Variants in NRDE2 observed in about 807,000 individuals in gnomAD.
NRDE2 encodes the protein NRDE-2, necessary for RNA interference, domain containing, also known as nuclear exosome regulator NRDE2.
In NRDE2, 76 loss-of-function variants were observed where a neutral mutation model predicts 124.2. That is an observed-to-expected ratio of 0.61 (90% CI 0.51 to 0.74). The LOEUF (loss-of-function observed/expected upper bound fraction) is 0.74. NRDE2 is among the 30% of genes least tolerant of loss of function. The probability of loss-of-function intolerance (pLI) is 0.00; values close to 1 mark genes in which losing one functional copy is unlikely to be tolerated. For missense variants in NRDE2, 1,314 were observed against 1,417.3 expected (o/e 0.93, Z 1.17); for synonymous variants, 489 against 528.1 (o/e 0.93, Z 1.01).
chr14:90,312,401 T>A lies in NRDE2; in HGVS notation c.550A>T (p.Ile184Leu). The change falls in exon 4 of 14, where the codon ATA becomes TTA. Residue 184 changes from isoleucine (I) to leucine (L), a missense_variant. Ile to Leu is a conservative substitution (Grantham distance 5). Coordinates refer to ENST00000354366, the MANE Select transcript of NRDE2 (RefSeq NM_017970.4). Reference sequence around the variant, plus strand: ...GGAAAACAAGGTGACTACCTTGCTATATCCCCTCGGTAGAGAGACTTGTAC... The same window carrying A: ...GGAAAACAAGGTGACTACCTTGCTAAATCCCCTCGGTAGAGAGACTTGTAC... Reference protein sequence around the residue: ...WEYKSLYRGDIARYKRKGDSC... With the variant: ...WEYKSLYRGDLARYKRKGDSC... 6.2e-7 allele frequency: 1 copy of A among 1,613,796 alleles called. No homozygotes were observed. Among genetic ancestry groups the A allele is most frequent in the Non-Finnish European group, 8.5e-7 (1 of 1,179,904 alleles).
Position 90,303,020 on chromosome 14 carries a change from C to T in NRDE2, c.1111G>A (p.Glu371Lys). The T allele has an allele frequency of 2.5e-6, 4 of 1,614,008 alleles. No individual in the cohort carries two copies. The highest frequency in any genetic ancestry group is 3.4e-6 in the Non-Finnish European group (4 of 1,180,038). The change falls in exon 6 of 14, where the codon GAG becomes AAG. Residue 371 changes from glutamate to lysine, a missense_variant. Coordinates refer to ENST00000354366, the MANE Select transcript of NRDE2 (RefSeq NM_017970.4). ...LILEKKLAIL[E>K]RAIESNQSSV... is the part of the protein sequence containing the mutation. ...CTCTGGTTGCTCTCAATGGCCCGCT[C>T]CAGAATGGCCAGCTTCTTCTCCAGA...
At chr14:90,289,167 T>C (rs1892202151) in intron 10 of NRDE2, 22 bp from the exon 11 acceptor site, 2 of 1,567,576 alleles carry the variant, frequency 1.3e-6, no homozygotes, top group East Asian at 4.5e-5. Context: ...AAGAGAAGAA[T>C]GACTGCAGGT....
At chr14:90,323,189 G>A (rs1052092325) in intron 1 of NRDE2, among the ~76,000 whole-genome samples, 1 of 151,974 alleles carries the variant, frequency 6.6e-6, no homozygotes, top group African/African-American at 2.4e-5. Flanking sequence ...AAATTTTCAG[G>A]GTAATTTAAC....
Position 90,303,045 on chromosome 14 carries a change from A to G in NRDE2, c.1086T>C (p.Ile362=). The G allele has an allele frequency of 6.2e-7, 1 of 1,613,942 alleles. No homozygotes were observed. Among genetic ancestry groups the G allele is most frequent in the Non-Finnish European group, 8.5e-7 (1 of 1,180,026 alleles). The stretch of plus-strand genomic sequence containing the variant: ...CCAGAATGGCCAGCTTCTTCTCCAG[A>G]ATGAGCTTCAGGGACCTCTTTCGCT... ...QEKRKRSLKL[I]LEKKLAILER... is the part of the protein sequence containing the mutation. Residue 362 remains isoleucine, a synonymous_variant, in exon 6 of 14, where the codon ATT becomes ATC. Transcript: ENST00000354366.
At chr14:90,307,228 A>G (rs1246458648) in intron 4 of NRDE2, among the ~76,000 whole-genome samples, 1 of 152,206 alleles carries the variant, frequency 6.6e-6, no homozygotes, top group Non-Finnish European at 1.5e-5. Flanking sequence ...TTAATCTTAG[A>G]AAATATAATT....
chr14:90,323,030 G>A (rs1885296673), intron 1 of NRDE2, among the ~76,000 whole-genome samples: 1 of 152,162 alleles, frequency 6.6e-6, no homozygotes, highest in Admixed American at 6.5e-5. Flanking sequence ...AGTAAATTAC[G>A]AGTTGGAATG....
chr14:90,316,711 G>T lies in NRDE2; in HGVS notation c.274C>A (p.His92Asn), dbSNP rs1885061524. The T allele has an allele frequency of 6.2e-7, 1 of 1,613,590 alleles. No individual in the cohort carries two copies. Among genetic ancestry groups the T allele is most frequent in the African/African-American group, 1.3e-5 (1 of 74,862 alleles). The change falls in exon 3 of 14, where the codon CAT (histidine) becomes AAT (asparagine). Residue 92 changes from histidine to asparagine, a missense_variant. His to Asn is a moderately conservative substitution (Grantham distance 68). Transcript: ENST00000354366. ...CTCTTTGTTTTCTTATGATGCTGAT[G>T]CTTCCTTTTTTTCTTTTTCTCTTTC... Reference protein sequence around the residue: ...KKKEKKKKRKHQHHKKTKRKH... With the variant: ...KKKEKKKKRKNQHHKKTKRKH...
At chr14:90,325,603 G>A (rs1885397443) in intron 1 of NRDE2, among the ~76,000 whole-genome samples, 1 of 152,068 alleles carries the variant, frequency 6.6e-6, no homozygotes, top group Admixed American at 6.5e-5. Flanking sequence ...TCAGCTCACT[G>A]CAACCTCCAC....
At chr14:90,278,926 T>A in intron 13 of NRDE2, 136 bp downstream of exon 13, 1 of 699,024 alleles carries the variant, frequency 1.4e-6, no homozygotes, top group Non-Finnish European at 2.6e-6. Flanking sequence ...GCTCTGGATG[T>A]ACCTTGGGAC....
At chr14:90,287,340 G>A (rs771187923) in intron 11 of NRDE2, among the ~76,000 whole-genome samples, 4 of 152,054 alleles carry the variant, frequency 2.6e-5, no homozygotes, top group Non-Finnish European at 2.9e-5. Flanking sequence ...GGATCAGGCC[G>A]GACACTGTGG....
chr14:90,302,331 C>T (rs755004678), intron 6 of NRDE2, among the ~76,000 whole-genome samples: 20 of 152,186 alleles, frequency 1.3e-4, no homozygotes, highest in Non-Finnish European at 2.8e-4. Context: ...ATACCCAAAA[C>T]TTCTATTTAT....
At chr14:90,295,329 A>G (rs1884101563) in intron 8 of NRDE2, among the ~76,000 whole-genome samples, 1 of 152,230 alleles carries the variant, frequency 6.6e-6, no homozygotes, top group African/African-American at 2.4e-5. Context: ...TATTGTGTAT[A>G]TTAGCATTAT....
At position 90,268,580 on chromosome 14, in the gene NRDE2, T is replaced by C; in HGVS notation, c.*9756A>G. The C allele has an allele frequency of 1.5e-6, 1 of 651,730 alleles. No individual in the cohort carries two copies. The highest frequency in any genetic ancestry group is 2.6e-6 in the Non-Finnish European group (1 of 378,278). 40.4% of individuals were successfully genotyped at this position (651,730 alleles called of 1,614,324 possible). The stretch of plus-strand genomic sequence containing the variant: ...GCTCTCCCAGGAGCCAGCTAACAAC[T>C]GCCCAGTAACTGTGAACGTCTGGAG... On this transcript the variant is annotated 3_prime_UTR_variant, in exon 14 of 14. Transcript: ENST00000354366.
intron 7 of NRDE2, 58 bp from the exon 8 acceptor site, chr14:90,298,438 G>A: frequency 6.3e-7 from 1 of 1,586,944 alleles, no homozygotes; most frequent in Non-Finnish European, 8.6e-7. Context: ...CTGAGTCAGT[G>A]GGCAAAATCC....
chr14:90,268,541 A>T lies in NRDE2; in HGVS notation c.*9795T>A. The T allele has an allele frequency of 1.1e-6, 1 of 873,278 alleles. No individual in the cohort carries two copies. Among genetic ancestry groups the T allele is most frequent in the South Asian group, 1.6e-5 (1 of 61,712 alleles). 54.1% of individuals were successfully genotyped at this position (873,278 alleles called of 1,614,324 possible). ...TCTTGCTGTGCGTGGCCTTCCATGC[A>T]TGCTTTAGGCTCTGCTCTCCCAGGA... On this transcript the variant is annotated 3_prime_UTR_variant, in exon 14 of 14. Transcript: ENST00000354366.
chr14:90,310,859 G>T (rs967818398), intron 4 of NRDE2, among the ~76,000 whole-genome samples: 1 of 152,142 alleles, frequency 6.6e-6, no homozygotes, highest in East Asian at 1.9e-4. Context: ...CCCTGTGGTG[G>T]CATGGAAAAC....
rs558742926 is a variant in NRDE2 at position 90,278,393 on chromosome 14, C to T, written c.3438G>A (p.Glu1146=). The T allele has an allele frequency of 6.2e-7, 1 of 1,614,172 alleles. No individual in the cohort carries two copies. The highest frequency in any genetic ancestry group is 2.2e-5 in the East Asian group (1 of 44,870). The change falls in exon 14 of 14, where the codon GAG becomes GAA. Residue 1146 remains glutamate (E), a synonymous_variant. Transcript: ENST00000354366. ...GCGGCAGGCGCACCCGGAGCTCCTT[C>T]TCAGTCATCAGGTCCAGGATCTCCT... The part of the protein sequence containing the change: ...EMQEILDLMT[E]KELRVRLPLE...
At chr14:90,322,530 T>C (rs928060698) in intron 1 of NRDE2, among the ~76,000 whole-genome samples, 3 of 151,726 alleles carry the variant, frequency 2.0e-5, no homozygotes, top group African/African-American at 7.3e-5. Context: ...CTGAAGAAAT[T>C]AGAAATCTTC....
At position 90,273,930 on chromosome 14, in the gene NRDE2, T is replaced by C. The variant is rs6575121; in HGVS notation, c.*4406A>G. On this transcript the variant is annotated 3_prime_UTR_variant, in exon 14 of 14. Coordinates refer to ENST00000354366, the MANE Select transcript of NRDE2 (RefSeq NM_017970.4). ...ATTCTTATGGATCCTTGTGATTGCA[T>C]TGGACCCATGCAGATGATCCAGGAT... The C allele has an allele frequency of 0.16, 25,297 of 154,890 alleles. 2,746 individuals are homozygous for C. Among genetic ancestry groups the C allele is most frequent in the African/African-American group, 0.3 (12,357 of 41,604 alleles). The allele number at this position is 154,890 out of a possible 1,614,324, so 9.6% of individuals were successfully genotyped here. A position where few individuals can be genotyped will look rare whatever the true frequency, so the allele number is the denominator to read the frequency against.
Sources: gnomAD v4.1 joint callset for allele counts (sites outside exome capture counted in the v4.1 genomes callset) on GRCh38, gnomAD v4.1.1 for gene constraint, MANE v1.5 for transcripts, NCBI Gene and HGNC (gene_info 2026-07-23, HGNC 2026-07-21) for gene names.